Variants in GLT1D1 observed in about 807,000 individuals in gnomAD.
GLT1D1 encodes the protein glycosyltransferase 1 domain-containing protein 1.
A neutral mutation model predicts 28.7 loss-of-function variants in GLT1D1; 21 were observed. The observed-to-expected ratio is 0.73, with a 90% CI of 0.52 to 1.05. The LOEUF is 1.05. Among genes scored for constraint, GLT1D1 ranks in the 50% least tolerant of loss-of-function variants. The pLI, the probability that GLT1D1 is intolerant of heterozygous loss-of-function variation, is 0.00. For missense variants in GLT1D1, 343 were observed against 330.6 expected, an observed-to-expected ratio of 1.04 and a Z score of -0.29; for synonymous variants, 147 against 124.8, an observed-to-expected ratio of 1.18 and a Z score of -1.19.
At chr12:128,899,630 A>G (rs1037524641) in intron 4 of GLT1D1, among the ~76,000 whole-genome samples, 32 of 150,182 alleles carry the variant, frequency 2.1e-4, no homozygotes, top group African/African-American at 7.3e-4. Flanking sequence ...GCTCACTGCA[A>G]CTTCCACCTC....
chr12:128,876,071 C>CT lies in GLT1D1; in HGVS notation c.217+14dup. ...AGGCAGGCTTTTGCAAGGTAATCCT[C>CT]TTTTTCTTCAAAAGTAAAACACTAG... On this transcript the variant is annotated intron_variant, in intron 2 of 7. Transcript: ENST00000281703. The CT allele has an allele frequency of 1.3e-6, 2 of 1,592,102 alleles. No individual in the cohort carries two copies. The highest frequency in any genetic ancestry group is 2.3e-5 in the South Asian group (2 of 87,232).
chr12:128,921,532 G>T (rs537346884), intron 4 of GLT1D1, among the ~76,000 whole-genome samples: 1 of 151,284 alleles, frequency 6.6e-6, no homozygotes, highest in Non-Finnish European at 1.5e-5. Context: ...TATATATCTC[G>T]TGTGACTGAG....
chr12:128,945,409 AG>A, intron 5 of GLT1D1, 40 bp downstream of exon 9: 1 of 1,535,776 alleles, frequency 6.5e-7, no homozygotes, highest in Non-Finnish European at 9.0e-7. Context: ...CAGAACGGGA[AG>A]CCTGAGTGGC....
chr12:128,869,089 G>A (rs761095871), intron 1 of GLT1D1, among the ~76,000 whole-genome samples: 2 of 152,104 alleles, frequency 1.3e-5, no homozygotes, highest in South Asian at 4.1e-4. Flanking sequence ...GGCTGGTCTC[G>A]AACTCCTGAC....
In GLT1D1 at chr12:128,958,748, C is replaced by CAAA. The variant is rs71072431; in HGVS notation, c.639+1132_639+1134dup. ...TAGGCAACAGAGTGGGACTCTGCCT[C>CAAA]AAAAAAAAAAAAAAAAAAAAAAAAA... On this transcript the variant is annotated intron_variant, in intron 7 of 7. Coordinates refer to ENST00000281703, the MANE Select transcript of GLT1D1 (RefSeq NM_144669.3). 5.9e-4 allele frequency among the ~76,000 whole-genome samples: 25 copies of CAAA among 42,652 alleles called. 3 individuals are homozygous for CAAA. The highest frequency in any genetic ancestry group is 2.3e-3 in the African/African-American group (21 of 9,102). 28.0% of individuals were successfully genotyped at this position (42,652 alleles called of 152,430 possible).
rs1870955854 is a variant in GLT1D1, at chr12:128,907,089, GC to G, written c.375+7806del. ...TATTACTTCTCCCTCTTCCTGCATGGCCCCATTGCTTTATGTCTGATTACCT... is the reference window on the plus strand; with the variant it reads ...TATTACTTCTCCCTCTTCCTGCATGGCCCATTGCTTTATGTCTGATTACCT... On this transcript the variant is annotated intron_variant, in intron 4 of 7. Coordinates refer to ENST00000281703, the MANE Select transcript of GLT1D1 (RefSeq NM_144669.3). 4 of 640,860 alleles carry G rather than the reference GC, an allele frequency of 6.2e-6. No homozygotes were observed. In the South Asian group the frequency reaches 6.9e-5, roughly 11 times the overall value. The allele number at this position is 640,860 out of a possible 1,614,324, so 39.7% of individuals were successfully genotyped here. A position where few individuals can be genotyped will look rare whatever the true frequency, so the allele number is the denominator to read the frequency against.
At chr12:128,965,997 G>C (rs1321317614) in intron 7 of GLT1D1, among the ~76,000 whole-genome samples, 1 of 152,254 alleles carries the variant, frequency 6.6e-6, no homozygotes, top group South Asian at 2.1e-4. Flanking sequence ...TGTTCACAGT[G>C]GCAGAGATGG....
rs1473485924 is a variant in GLT1D1, at chr12:128,888,581, G to A, written c.218-58G>A. 2.0e-5 allele frequency: 23 copies of A among 1,124,480 alleles called. No individual in the cohort carries two copies. The East Asian group carries it at 5.2e-4, about 25-fold the overall frequency. The allele number at this position is 1,124,480 out of a possible 1,614,324, so 69.7% of individuals were successfully genotyped here. ...TGTTTAAGATCCTTGCTTGGGAATG[G>A]TTGGTGAAGGCTGTTTTTAGGGCTA... On this transcript the variant is annotated intron_variant, in intron 2 of 7. Transcript: ENST00000281703.
intron 4 of GLT1D1, 57 bp from the exon 8 acceptor site, chr12:128,927,048 G>A (rs925573530): frequency 5.1e-6 from 6 of 1,187,910 alleles, no homozygotes; most frequent in Non-Finnish European, 7.2e-6. Context: ...AGTTGTGCTT[G>A]CAGCTGTGAC....
rs115832344 is a variant in GLT1D1, at chr12:128,893,473, A to T, written c.323+4729A>T. Among the ~76,000 whole-genome samples the T allele has an allele frequency of 5.9e-3, 901 of 152,324 alleles. 8 individuals carry two copies. Among genetic ancestry groups the T allele is most frequent in the African/African-American group, 0.02 (848 of 41,566 alleles). On this transcript the variant is annotated intron_variant, in intron 3 of 7. Transcript: ENST00000281703. ...GCCCAAAGATTTTTTTTACAAAAAA[A>T]ATCACATGTGAAAGTGAGTAAATCT...
intron 6 of GLT1D1, among the ~76,000 whole-genome samples, chr12:128,954,103 A>G (rs920733703): frequency 2.0e-5 from 3 of 147,878 alleles, no homozygotes; most frequent in African/African-American, 7.5e-5. Context: ...TCCTAAGGTC[A>G]CCTGTTTTTT....
intron 7 of GLT1D1, among the ~76,000 whole-genome samples, chr12:128,958,991 C>G (rs1877614104): frequency 6.6e-6 from 1 of 151,446 alleles, no homozygotes; most frequent in Non-Finnish European, 1.5e-5. Flanking sequence ...GCATGCACCA[C>G]CACGCCTGGC....
intron 1 of GLT1D1, among the ~76,000 whole-genome samples, chr12:128,863,482 C>T (rs1956431063): frequency 6.6e-6 from 1 of 152,078 alleles, no homozygotes. Context: ...AAGTGATTCT[C>T]CTGCCTCAGC....
intron 7 of GLT1D1, among the ~76,000 whole-genome samples, chr12:128,970,942 G>A (rs182455530): frequency 1.3e-5 from 2 of 152,238 alleles, no homozygotes; most frequent in African/African-American, 4.8e-5. Context: ...GTGAGTACTG[G>A]AAGGGATGAT....
At chr12:128,946,772 C>T (rs1030342935) in intron 5 of GLT1D1, among the ~76,000 whole-genome samples, 1 of 151,120 alleles carries the variant, frequency 6.6e-6, no homozygotes. Flanking sequence ...CCTCAGCCTC[C>T]CAAGTAGCTG....
intron 4 of GLT1D1, among the ~76,000 whole-genome samples, chr12:128,915,492 G>A (rs1222433252): frequency 1.3e-5 from 2 of 151,704 alleles, no homozygotes; most frequent in Non-Finnish European, 2.9e-5. Flanking sequence ...AGCCTCCTAA[G>A]TAGCTGGTAC....
chr12:128,942,005 G>A (rs1254255515), intron 4 of GLT1D1, among the ~76,000 whole-genome samples: 1 of 136,834 alleles, frequency 7.3e-6, no homozygotes, highest in Non-Finnish European at 1.5e-5. Flanking sequence ...TCTCTGAATT[G>A]TTGAGTCTGG....
At chr12:128,961,908 T>C (rs940636440) in intron 7 of GLT1D1, among the ~76,000 whole-genome samples, 19 of 152,300 alleles carry the variant, frequency 1.2e-4, no homozygotes, top group Non-Finnish European at 1.6e-4. Flanking sequence ...CCTTTTTTTT[T>C]GAAACCATAA....
intron 6 of GLT1D1, among the ~76,000 whole-genome samples, chr12:128,954,197 C>T (rs1338674689): frequency 5.3e-5 from 8 of 151,752 alleles, no homozygotes; most frequent in Middle Eastern, 3.4e-3. Flanking sequence ...GATCTCGGCT[C>T]ACTGCAAGCT....
Sources: allele counts gnomAD v4.1 joint callset (sites outside exome capture counted in the v4.1 genomes callset), GRCh38; gene constraint gnomAD v4.1.1; transcripts MANE v1.5; gene names NCBI Gene and HGNC (gene_info 2026-07-23, HGNC 2026-07-21).